Variants in OXR1 observed in about 807,000 individuals in gnomAD.
OXR1 encodes oxidation resistance 1.
Under a neutral mutation model 104.6 loss-of-function variants are expected in OXR1, and 41 were observed. The ratio of observed to expected loss-of-function variants is 0.39; its 90% CI spans 0.31 to 0.51. The LOEUF (loss-of-function observed/expected upper bound fraction) is 0.51. Ranked by LOEUF, OXR1 falls within the 20% of genes least tolerant of loss-of-function variation. The probability of loss-of-function intolerance (pLI) is 0.77; values close to 1 mark genes in which losing one functional copy is unlikely to be tolerated. For missense variants in OXR1, 955 were observed against 1,031.9 expected (o/e 0.93, Z 1.02); for synonymous variants, 348 against 348.4 (o/e 1.00, Z 0.01).
At chr8:106,600,387 C>A (rs866753384) in intron 3 of OXR1, among the ~76,000 whole-genome samples, 53 of 152,324 alleles carry the variant, frequency 3.5e-4, no homozygotes, top group African/African-American at 1.1e-3. Flanking sequence ...TTTCTTCCAA[C>A]CTCTCATCCA....
intron 2 of OXR1, among the ~76,000 whole-genome samples, chr8:106,515,992 CA>C (rs976087517): frequency 6.6e-6 from 1 of 152,088 alleles, no homozygotes; most frequent in African/African-American, 2.4e-5. Flanking sequence ...CTCTTGGCCT[CA>C]TTTAAGAACC....
chr8:106,406,633 C>T (rs569576398), intron 2 of OXR1, among the ~76,000 whole-genome samples: 8 of 152,124 alleles, frequency 5.3e-5, no homozygotes, highest in Non-Finnish European at 1.2e-4. Context: ...CTACATGACA[C>T]TCTGGAGAAG....
intron 1 of OXR1, among the ~76,000 whole-genome samples, chr8:106,325,040 T>TA (rs1246173851): frequency 5.9e-5 from 9 of 151,998 alleles, no homozygotes; most frequent in South Asian, 2.1e-4. Context: ...TTTTGTAGGT[T>TA]AAAAAAAAGA....
chr8:106,423,665 G>T (rs1818991659), intron 2 of OXR1, among the ~76,000 whole-genome samples: 1 of 152,112 alleles, frequency 6.6e-6, no homozygotes, highest in African/African-American at 2.4e-5. Flanking sequence ...TAAAAGTAGA[G>T]AAAAAATTGG....
At chr8:106,357,907 A>G (rs1368875854) in intron 1 of OXR1, among the ~76,000 whole-genome samples, 1 of 152,134 alleles carries the variant, frequency 6.6e-6, no homozygotes, top group Non-Finnish European at 1.5e-5. Context: ...AGACGCTGCT[A>G]GTTTTCTGCC....
intron 3 of OXR1, among the ~76,000 whole-genome samples, chr8:106,582,034 AAAAAAAAAAACCT>A (rs1256709220): frequency 1.3e-5 from 2 of 149,138 alleles, no homozygotes; most frequent in Non-Finnish European, 3.0e-5. Context: ...AAAAAAAAAA[AAAAAAAAAAACCT>A]AAAAAACAAC....
intron 1 of OXR1, among the ~76,000 whole-genome samples, chr8:106,324,605 C>T (rs1466118806): frequency 4.6e-5 from 7 of 150,670 alleles, no homozygotes; most frequent in African/African-American, 1.7e-4. Flanking sequence ...TGTGTTAGTC[C>T]TTGGGTACCG....
chr8:106,336,600 A>G (rs146820605), intron 1 of OXR1, among the ~76,000 whole-genome samples: 8 of 152,338 alleles, frequency 5.3e-5, no homozygotes, highest in African/African-American at 1.7e-4. Context: ...ACCCGTCTTT[A>G]ACTAACATCA....
chr8:106,301,134 G>A (rs1813221833), intron 1 of OXR1, among the ~76,000 whole-genome samples: 2 of 152,200 alleles, frequency 1.3e-5, no homozygotes, highest in Non-Finnish European at 2.9e-5. Flanking sequence ...GGGCATAACT[G>A]TAAAATTGCC....
intron 10 of OXR1, among the ~76,000 whole-genome samples, chr8:106,712,092 A>T (rs1377788298): frequency 6.6e-6 from 1 of 152,110 alleles, no homozygotes; most frequent in Non-Finnish European, 1.5e-5. Flanking sequence ...ATTTTTCTTT[A>T]TAAGTACTGA....
At chr8:106,498,729 A>G (rs1811577379) in intron 2 of OXR1, among the ~76,000 whole-genome samples, 1 of 152,148 alleles carries the variant, frequency 6.6e-6, no homozygotes, top group African/African-American at 2.4e-5. Context: ...CTGGGCACTC[A>G]TTGCAGTATG....
intron 3 of OXR1, among the ~76,000 whole-genome samples, chr8:106,614,206 A>G (rs1014044529): frequency 6.6e-6 from 1 of 152,168 alleles, no homozygotes; most frequent in Non-Finnish European, 1.5e-5. Context: ...TCTTTTGTAA[A>G]AGGTCTATTA....
rs1042980627 is a variant in OXR1 at position 106,277,739 on chromosome 8, C to T, written c.-139+7372C>T. On this transcript the variant is annotated intron_variant, in intron 1 of 16. Transcript: ENST00000517566. Reference sequence around the variant, plus strand: ...CTCTTCAGGGTTCTAAGATGGCTGCCAGAAGCTTTCAGAGCTTCATGTTCC... The same window carrying T: ...CTCTTCAGGGTTCTAAGATGGCTGCTAGAAGCTTTCAGAGCTTCATGTTCC... Among the ~76,000 whole-genome samples the T allele has an allele frequency of 2.0e-5, 3 of 152,188 alleles. 1 individual carries two copies. The highest frequency in any genetic ancestry group is 4.4e-5 in the Non-Finnish European group (3 of 68,032).
chr8:106,549,595 TA>T (rs1359634308), intron 3 of OXR1, among the ~76,000 whole-genome samples: 1 of 152,210 alleles, frequency 6.6e-6, no homozygotes, highest in African/African-American at 2.4e-5. Context: ...GGATGGCTTA[TA>T]AACAACAGAA....
intron 6 of OXR1, 134 bp from the exon 7 acceptor site, chr8:106,692,594 G>A (rs983055647): frequency 4.7e-5 from 22 of 465,106 alleles, no homozygotes; most frequent in South Asian, 1.7e-4. Context: ...AAAATATTTC[G>A]GGCTGACTTC....
rs536459632 is a variant in OXR1 at position 106,334,524 on chromosome 8, G to T, written c.-138-24952G>T. On this transcript the variant is annotated intron_variant, in intron 1 of 16. Coordinates refer to ENST00000517566, the MANE Select transcript of OXR1 (RefSeq NM_001198533.2). The stretch of plus-strand genomic sequence containing the variant: ...TCCTGATCTTAGGGGAAAGCTTTTA[G>T]TCTTTTACCATTAAGTATGATGTTA... Among the ~76,000 whole-genome samples the T allele has an allele frequency of 7.9e-5, 12 of 152,258 alleles. No individual in the cohort carries two copies. The South Asian group carries it at 2.5e-3, about 32-fold the overall frequency.
intron 2 of OXR1, among the ~76,000 whole-genome samples, chr8:106,411,093 G>A (rs1488463466): frequency 6.6e-6 from 1 of 152,000 alleles, no homozygotes; most frequent in Non-Finnish European, 1.5e-5. Flanking sequence ...TGAGATGAGT[G>A]TAATAAAGAA....
rs71307053 is a variant in OXR1 at position 106,316,717 on chromosome 8, CATCTATCTATCTATCT to C, written c.-138-42716_-138-42701del. Among the ~76,000 whole-genome samples, 342 of 118,670 alleles carry C rather than the reference CATCTATCTATCTATCT, an allele frequency of 2.9e-3. 2 individuals carry two copies. The highest frequency in any genetic ancestry group is 0.015 in the East Asian group (65 of 4,338). 77.9% of individuals were successfully genotyped at this position (118,670 alleles called of 152,430 possible). A position where few individuals can be genotyped will look rare whatever the true frequency, so the allele number is the denominator to read the frequency against. On this transcript the variant is annotated intron_variant, in intron 1 of 16. Transcript: ENST00000517566. ...TCTATCTATCTATCTATCTATCTAT[CATCTATCTATCTATCT>C]ATCTATCTATCTATCTATCTATCTA...
In OXR1 at chr8:106,676,926, A is replaced by G. The variant is rs550597311; in HGVS notation, c.221-2284A>G. On this transcript the variant is annotated intron_variant, in intron 3 of 16. Transcript: ENST00000517566. ...ATTTTCCATTTGTTTTTCAAACTTT[A>G]AAGTGTAGAAAGTTAGTACATTAGT... Among the ~76,000 whole-genome samples the G allele has an allele frequency of 1.1e-3, 166 of 152,244 alleles. 1 individual carries two copies. Among genetic ancestry groups the G allele is most frequent in the African/African-American group, 3.9e-3 (164 of 41,572 alleles).
Sources: gnomAD v4.1 joint callset for allele counts (sites outside exome capture counted in the v4.1 genomes callset) on GRCh38, gnomAD v4.1.1 for gene constraint, MANE v1.5 for transcripts, NCBI Gene and HGNC (gene_info 2026-07-23, HGNC 2026-07-21) for gene names.